The following NCOA6 variants were observed in gnomAD, a reference collection of about 807,000 sequenced individuals.
NCOA6 encodes nuclear receptor coactivator 6.
A neutral mutation model predicts 171.4 loss-of-function variants in NCOA6; 49 were observed. The observed-to-expected ratio is 0.29, with a 90% confidence interval of 0.23 to 0.36. NCOA6 has a LOEUF of 0.36. Ranked by LOEUF, NCOA6 falls within the 10% of genes least tolerant of loss-of-function variation. The pLI is 1.00. For missense variants in NCOA6, 2,248 were observed against 2,554.5 expected (o/e 0.88, Z 2.59); for synonymous variants, 910 against 927.5 (o/e 0.98, Z 0.34).
intron 6 of NCOA6, among the ~76,000 whole-genome samples, chr20:34,758,498 A>C (rs1010750982): frequency 1.3e-5 from 2 of 152,186 alleles, no homozygotes; most frequent in Non-Finnish European, 2.9e-5. Context: ...TCCAGGAGGG[A>C]GGGTAAAGAA....
intron 13 of NCOA6, 113 bp from the exon 14 acceptor site, chr20:34,727,520 AT>A (rs1990109864): frequency 8.6e-7 from 1 of 1,167,590 alleles, no homozygotes; most frequent in African/African-American, 1.5e-5. Context: ...CTATATAGTT[AT>A]TCTGGAGAGA....
intron 2 of NCOA6, among the ~76,000 whole-genome samples, chr20:34,792,174 T>G (rs192810516): frequency 2.6e-5 from 4 of 152,162 alleles, no homozygotes; most frequent in African/African-American, 9.6e-5. Flanking sequence ...TTAATCAACA[T>G]AAATTCTAAA....
chr20:34,741,393 C>T lies in NCOA6; in HGVS notation c.4863G>A (p.Gln1621=), dbSNP rs756811793. The stretch of plus-strand genomic sequence containing the variant: ...TGACAACTGTTGACATCAATGCAGA[C>T]TGCAAGTGAGTTGGCAAAGCTGCTG... ...NTSAALPTHL[Q]SALMSTVVTM... is the part of the protein sequence containing the mutation. The change falls in exon 11 of 15, where the codon CAG becomes CAA. Residue 1621 remains glutamine, a synonymous_variant. Transcript: ENST00000359003. 20 of 1,614,078 alleles carry T rather than the reference C, an allele frequency of 1.2e-5. No homozygotes were observed. Among genetic ancestry groups the T allele is most frequent in the Non-Finnish European group, 1.6e-5 (19 of 1,180,032 alleles).
chr20:34,725,280 A>G (rs1345065214), intron 14 of NCOA6, among the ~76,000 whole-genome samples: 1 of 152,238 alleles, frequency 6.6e-6, no homozygotes. Context: ...AAGTATACAT[A>G]CTAATTACCT....
chr20:34,761,847 G>A (rs866735069), intron 5 of NCOA6, among the ~76,000 whole-genome samples: 1 of 151,960 alleles, frequency 6.6e-6, no homozygotes, highest in African/African-American at 2.4e-5. Context: ...GTAGAGACGG[G>A]GTTTCACTAT....
chr20:34,726,950 G>A (rs1990024169), intron 14 of NCOA6, among the ~76,000 whole-genome samples: 1 of 152,028 alleles, frequency 6.6e-6, no homozygotes, highest in Non-Finnish European at 1.5e-5. Flanking sequence ...GTGAGACCCT[G>A]TTTCAAAAAA....
chr20:34,780,513 G>A (rs1202876254), intron 3 of NCOA6, among the ~76,000 whole-genome samples: 2 of 151,878 alleles, frequency 1.3e-5, no homozygotes, highest in African/African-American at 2.4e-5. Flanking sequence ...CAGCACGCCT[G>A]ACTAATTTTT....
intron 5 of NCOA6, among the ~76,000 whole-genome samples, chr20:34,762,076 C>A (rs914114759): frequency 1.3e-5 from 2 of 152,154 alleles, no homozygotes; most frequent in African/African-American, 4.8e-5. Context: ...TATTAAATCT[C>A]CCCTAAGGTT....
rs148555930 is a variant in NCOA6, at chr20:34,719,456, C to G, written c.6149-4091G>C. On this transcript the variant is annotated intron_variant, in intron 14 of 14. Transcript: ENST00000359003. ...GACCAGCCTGGCCAACAAGGCGAAA[C>G]CCCATCTCTTCTAAAAATACAAAAA... is the stretch of plus-strand genomic sequence containing the variant. Among the ~76,000 whole-genome samples the G allele has an allele frequency of 5.1e-4, 77 of 152,098 alleles. 1 individual carries two copies. The East Asian group carries it at 0.014, about 28-fold the overall frequency.
intron 12 of NCOA6, among the ~76,000 whole-genome samples, chr20:34,735,326 G>A (rs1223906653): frequency 1.3e-5 from 2 of 152,042 alleles, no homozygotes; most frequent in African/African-American, 4.8e-5. Context: ...CAGGTATCAT[G>A]TGGGCAATTG....
At chr20:34,823,904 C>T (rs2146821263) in intron 1 of NCOA6, among the ~76,000 whole-genome samples, 1 of 152,250 alleles carries the variant, frequency 6.6e-6, no homozygotes, top group East Asian at 1.9e-4. Context: ...TGGGGTCTGC[C>T]AGCTCCTGGG....
intron 5 of NCOA6, among the ~76,000 whole-genome samples, chr20:34,767,007 C>T (rs572919568): frequency 6.6e-6 from 1 of 152,132 alleles, no homozygotes; most frequent in African/African-American, 2.4e-5. Flanking sequence ...GGATATTTTA[C>T]ATCTATTTTA....
At chr20:34,792,902 C>A (rs1475727036) in intron 1 of NCOA6, among the ~76,000 whole-genome samples, 1 of 151,636 alleles carries the variant, frequency 6.6e-6, no homozygotes, top group Admixed American at 6.6e-5. Context: ...CTCAGGCTCC[C>A]AAGTAGCTGG....
Position 34,754,743 on chromosome 20 carries a change from T to A in NCOA6, c.1654A>T (p.Asn552Tyr). The A allele has an allele frequency of 6.2e-7, 1 of 1,614,198 alleles. No individual in the cohort carries two copies. ...GNSGAPQLQANQNVQHAGGQG... is the reference protein window; with the variant it reads ...GNSGAPQLQAYQNVQHAGGQG... Reference sequence around the variant, plus strand: ...AAACCTGCATGCTGGACATTTTGATTTGCTTGCAGCTGAGGGGCTCCTGAA... The same window carrying A: ...AAACCTGCATGCTGGACATTTTGATATGCTTGCAGCTGAGGGGCTCCTGAA... The change falls in exon 8 of 15, where the codon AAT becomes TAT. Residue 552 changes from asparagine to tyrosine, a missense_variant. By Grantham distance (143) the Asn-to-Tyr change is moderately radical (BLOSUM62 -2). Transcript: ENST00000359003.
chr20:34,722,832 T>C (rs963161659), intron 14 of NCOA6, among the ~76,000 whole-genome samples: 2 of 141,910 alleles, frequency 1.4e-5, no homozygotes, highest in Non-Finnish European at 3.1e-5. Flanking sequence ...CTAAAAAAAA[T>C]ACACACACAC....
At chr20:34,810,722 AT>A (rs1329135016) in intron 1 of NCOA6, among the ~76,000 whole-genome samples, 1 of 151,840 alleles carries the variant, frequency 6.6e-6, no homozygotes, top group East Asian at 1.9e-4. Flanking sequence ...TGCCCAGCTA[AT>A]TTTTTTGTAT....
intron 13 of NCOA6, among the ~76,000 whole-genome samples, chr20:34,730,459 T>C (rs1487312154): frequency 2.0e-5 from 3 of 152,166 alleles, no homozygotes; most frequent in Admixed American, 6.5e-5. Context: ...CTGTTTTTTA[T>C]GGTCAATGCT....
chr20:34,728,997 C>T lies in NCOA6; in HGVS notation c.6000-1590G>A, dbSNP rs1485213193. On this transcript the variant is annotated intron_variant, in intron 13 of 14. Coordinates refer to ENST00000359003, the MANE Select transcript of NCOA6 (RefSeq NM_014071.5). ...ATGGAGTCTTGCTCTGTGCCCCAGG[C>T]TGGAGTGCAGTGGCAGGATCTCAGC... Among the ~76,000 whole-genome samples, 3 of 152,178 alleles carry T rather than the reference C, an allele frequency of 2.0e-5. No homozygotes were observed. In the East Asian group the frequency reaches 5.8e-4, roughly 29 times the overall value.
intron 5 of NCOA6, among the ~76,000 whole-genome samples, chr20:34,767,529 C>G (rs1030844416): frequency 1.3e-5 from 2 of 152,150 alleles, no homozygotes; most frequent in African/African-American, 4.8e-5. Flanking sequence ...CCCCTGACCT[C>G]AGGTGATCCA....
Sources: gnomAD v4.1 joint callset for allele counts (sites outside exome capture counted in the v4.1 genomes callset) on GRCh38, gnomAD v4.1.1 for gene constraint, MANE v1.5 for transcripts, NCBI Gene and HGNC (gene_info 2026-07-23, HGNC 2026-07-21) for gene names.